Variants in ARHGEF10L observed in about 807,000 individuals in gnomAD.
ARHGEF10L encodes rho guanine nucleotide exchange factor 10-like protein.
In ARHGEF10L, 69 loss-of-function variants were observed where a neutral mutation model predicts 141.2. The ratio of observed to expected loss-of-function variants is 0.49; its 90% CI spans 0.40 to 0.60. ARHGEF10L has a LOEUF of 0.60. Among genes scored for constraint, ARHGEF10L ranks in the 20% least tolerant of loss-of-function variants. ARHGEF10L has a pLI of 0.00. For missense variants in ARHGEF10L, 1,482 were observed against 1,734.3 expected (o/e 0.85, Z 2.58); for synonymous variants, 711 against 718.5 (o/e 0.99, Z 0.17).
intron 4 of ARHGEF10L, among the ~76,000 whole-genome samples, chr1:17,600,918 C>T (rs774742582): frequency 1.3e-5 from 2 of 151,802 alleles, no homozygotes; most frequent in Admixed American, 6.6e-5. Flanking sequence ...GGTGTGGTGG[C>T]GCATGCCTGT....
the ARHGEF10L span, among the ~76,000 whole-genome samples, chr1:17,520,000 C>T: frequency 3.3e-5 from 5 of 152,196 alleles, no homozygotes; most frequent in African/African-American, 4.8e-5. Context: ...CCATGGGTGA[C>T]CCTCCAACCC....
intron 26 of ARHGEF10L, among the ~76,000 whole-genome samples, chr1:17,681,956 C>T (rs1397734253): frequency 6.6e-6 from 1 of 151,812 alleles, no homozygotes; most frequent in East Asian, 1.9e-4. Context: ...CACTCCACAC[C>T]CTGCCCTTAC....
chr1:17,577,218 G>A (rs536028180), intron 1 of ARHGEF10L, among the ~76,000 whole-genome samples: 35 of 152,112 alleles, frequency 2.3e-4, no homozygotes, highest in East Asian at 1.4e-3. Flanking sequence ...CTAATTTTTT[G>A]TATTTTTAGT....
intron 9 of ARHGEF10L, among the ~76,000 whole-genome samples, chr1:17,616,736 C>T (rs1054161632): frequency 1.3e-5 from 2 of 152,166 alleles, no homozygotes; most frequent in Admixed American, 1.3e-4. Context: ...CTGGGGTGCC[C>T]TGGGGGGCAT....
intron 1 of ARHGEF10L, among the ~76,000 whole-genome samples, chr1:17,541,955 G>A (rs2076743563): frequency 6.6e-6 from 1 of 151,794 alleles, no homozygotes; most frequent in African/African-American, 2.4e-5. Context: ...TGACAAGAGT[G>A]AAACTCCATT....
At chr1:17,679,632 T>G (rs191147124) in intron 26 of ARHGEF10L, among the ~76,000 whole-genome samples, 1 of 152,208 alleles carries the variant, frequency 6.6e-6, no homozygotes, top group African/African-American at 2.4e-5. Flanking sequence ...AAGAATGAGA[T>G]AAAGACAGGG....
chr1:17,602,169 CT>C lies in ARHGEF10L; in HGVS notation c.302del (p.Phe101SerfsTer29). ...GCAATGGGGATGCAGCGGACGCAGC[CT>C]TCTCCGGGGCCCGGCACTCCAGCTG... ...VSNGDAADAA[F>X]SGARHSSWKR... is the part of the protein sequence containing the mutation. On this transcript the variant is annotated frameshift_variant, in exon 5 of 29. Transcript: ENST00000361221. LOFTEE classifies it high-confidence loss of function. 6.3e-7 allele frequency: 1 copy of C among 1,583,848 alleles called. No individual in the cohort carries two copies. The highest frequency in any genetic ancestry group is 8.6e-7 in the Non-Finnish European group (1 of 1,165,006).
chr1:17,671,417 C>A (rs1377545155), intron 26 of ARHGEF10L, among the ~76,000 whole-genome samples: 1 of 152,154 alleles, frequency 6.6e-6, no homozygotes, highest in Admixed American at 6.5e-5. Flanking sequence ...TGGATGGCAG[C>A]CGGGGACAGA....
At chr1:17,522,229 G>C in the ARHGEF10L span, among the ~76,000 whole-genome samples, 84 of 152,330 alleles carry the variant, frequency 5.5e-4, 1 homozygote, top group African/African-American at 1.9e-3. Context: ...CGTGCGGCCT[G>C]TCCACCCCAC....
At chr1:17,669,690 C>T (rs541490781) in intron 26 of ARHGEF10L, among the ~76,000 whole-genome samples, 3 of 152,348 alleles carry the variant, frequency 2.0e-5, no homozygotes, top group South Asian at 2.1e-4. Flanking sequence ...TCCATGAGCA[C>T]GCCTTCCGGG....
chr1:17,570,642 T>C (rs1170099222), intron 1 of ARHGEF10L, among the ~76,000 whole-genome samples: 2 of 151,808 alleles, frequency 1.3e-5, no homozygotes, highest in Non-Finnish European at 2.9e-5. Flanking sequence ...GAGCGGAGGA[T>C]GAACTTGGCC....
intron 4 of ARHGEF10L, among the ~76,000 whole-genome samples, chr1:17,595,220 C>CTTTTTT (rs58475060): frequency 9.4e-6 from 1 of 106,108 alleles, no homozygotes; most frequent in Non-Finnish European, 1.9e-5. Context: ...CGTGGCTCAC[C>CTTTTTT]TTTTTTTTTT....
intron 4 of ARHGEF10L, among the ~76,000 whole-genome samples, chr1:17,599,459 C>T (rs1024873943): frequency 3.3e-5 from 5 of 152,180 alleles, no homozygotes; most frequent in Middle Eastern, 6.4e-3. Flanking sequence ...GACCTGTGGC[C>T]GGGAGACTGT....
At chr1:17,542,290 A>G (rs2076758580) in intron 1 of ARHGEF10L, among the ~76,000 whole-genome samples, 3 of 151,986 alleles carry the variant, frequency 2.0e-5, no homozygotes, top group Non-Finnish European at 4.4e-5. Context: ...TCTACAAAAA[A>G]TTTTAAAAAT....
chr1:17,602,994 C>A lies in ARHGEF10L; in HGVS notation c.350-514C>A, dbSNP rs185133638. 3.7e-3 allele frequency among the ~76,000 whole-genome samples: 558 copies of A among 151,662 alleles called. 4 individuals are homozygous for A. Among genetic ancestry groups the A allele is most frequent in the African/African-American group, 0.013 (540 of 41,336 alleles). ...TGTGGGGAGGAAGAGGGGGCTCTGA[C>A]AGGGCTCTAGGGGCCCAGGACCTAG... On this transcript the variant is annotated intron_variant, in intron 5 of 28. Transcript: ENST00000361221.
the ARHGEF10L span, among the ~76,000 whole-genome samples, chr1:17,530,416 T>A: frequency 2.6e-5 from 4 of 152,154 alleles, no homozygotes; most frequent in South Asian, 8.3e-4. Flanking sequence ...AATATCAACA[T>A]TGAGGGTTGT....
intron 26 of ARHGEF10L, among the ~76,000 whole-genome samples, chr1:17,681,693 G>A (rs142263623): frequency 8.5e-4 from 129 of 152,286 alleles, no homozygotes; most frequent in African/African-American, 2.8e-3. Context: ...AGCTGGCCCC[G>A]TCCTGATCAC....
At chr1:17,622,845 C>T in intron 11 of ARHGEF10L, 151 bp from the exon 12 acceptor site, 1 of 744,322 alleles carries the variant, frequency 1.3e-6, no homozygotes. Flanking sequence ...TGATGGAGAT[C>T]CTTCCGGAAG....
Position 17,588,598 on chromosome 1 carries a change from A to G in ARHGEF10L, c.257+119A>G, listed in dbSNP as rs1308270910. On this transcript the variant is annotated intron_variant, in intron 4 of 28. Coordinates refer to ENST00000361221, the MANE Select transcript of ARHGEF10L (RefSeq NM_018125.4). ...CGACTGGTCTTTGGCTAAGGAGGAA[A>G]GCATTTCACTGAGGCCCTGTGCCCT... The G allele has an allele frequency of 9.5e-6, 12 of 1,266,408 alleles. No homozygotes were observed. In the East Asian group the frequency reaches 2.8e-4, roughly 30 times the overall value. 78.4% of individuals were successfully genotyped at this position (1,266,408 alleles called of 1,614,324 possible).
Sources: allele counts gnomAD v4.1 joint callset (sites outside exome capture counted in the v4.1 genomes callset), GRCh38; gene constraint gnomAD v4.1.1; transcripts MANE v1.5; gene names NCBI Gene and HGNC (gene_info 2026-07-23, HGNC 2026-07-21).